PLXND1: variants seen among roughly 807,000 people sequenced by gnomAD.
The protein encoded by PLXND1 is plexin D1.
PLXND1 carries 54 observed loss-of-function variants against 197.7 expected under a neutral mutation model. The ratio of observed to expected loss-of-function variants is 0.27; its 90% CI spans 0.22 to 0.34. The LOEUF is 0.34. Among genes scored for constraint, PLXND1 ranks in the 10% least tolerant of loss-of-function variants. The probability of loss-of-function intolerance (pLI) is 1.00; values close to 1 mark genes in which losing one functional copy is unlikely to be tolerated. For missense variants in PLXND1, 2,127 were observed against 2,699.2 expected (o/e 0.79, Z 4.70); for synonymous variants, 1,180 against 1,161.2 (o/e 1.02, Z -0.33).
At chr3:129,566,696 C>A in intron 22 of PLXND1, 65 bp from the exon 23 acceptor site, 1 of 999,178 alleles carries the variant, frequency 1.0e-6, no homozygotes, top group Admixed American at 2.1e-5. Context: ...GGAAAGGTCA[C>A]TCACACAGAA....
At chr3:129,596,549 C>A (rs904960786) in intron 1 of PLXND1, among the ~76,000 whole-genome samples, 1 of 152,112 alleles carries the variant, frequency 6.6e-6, no homozygotes, top group African/African-American at 2.4e-5. Context: ...AGGCTTCCCT[C>A]CCCCCAGCAG....
At chr3:129,586,485 G>A (rs2085462876) in intron 3 of PLXND1, 103 bp downstream of exon 3, 6 of 1,367,706 alleles carry the variant, frequency 4.4e-6, no homozygotes, top group Non-Finnish European at 6.1e-6. Flanking sequence ...GGGAGATGGA[G>A]GAGGAGGGTG....
chr3:129,568,755 C>T (rs531393002), intron 20 of PLXND1, among the ~76,000 whole-genome samples: 3 of 152,280 alleles, frequency 2.0e-5, no homozygotes, highest in Admixed American at 2.0e-4. Flanking sequence ...TGCCATGTTG[C>T]CCAAGCTGGT....
intron 4 of PLXND1, 27 bp from the exon 5 acceptor site, chr3:129,586,108 C>G: frequency 6.2e-7 from 1 of 1,613,404 alleles, no homozygotes; most frequent in Non-Finnish European, 8.5e-7. Context: ...GGGTCAGGAC[C>G]CAGGTCAGCT....
At chr3:129,563,313 T>A in intron 25 of PLXND1, 73 bp from the exon 26 acceptor site, 1 of 1,293,220 alleles carries the variant, frequency 7.7e-7, no homozygotes, top group Non-Finnish European at 1.1e-6. Flanking sequence ...CCAAACACCT[T>A]CACGCCCCCG....
At chr3:129,593,433 G>A (rs191190637) in intron 1 of PLXND1, among the ~76,000 whole-genome samples, 6 of 152,288 alleles carry the variant, frequency 3.9e-5, no homozygotes, top group East Asian at 3.9e-4. Flanking sequence ...CAGCGCCCCC[G>A]GTGTCTGGAC....
intron 1 of PLXND1, among the ~76,000 whole-genome samples, chr3:129,591,840 CAGCTGCCAAATG>C (rs1170922741): frequency 6.6e-6 from 1 of 152,174 alleles, no homozygotes; most frequent in Non-Finnish European, 1.5e-5. Flanking sequence ...TCTGCTAACA[CAGCTGCCAAATG>C]AGCCCTTTAA....
intron 1 of PLXND1, among the ~76,000 whole-genome samples, chr3:129,604,543 A>T (rs1358856919): frequency 1.3e-5 from 2 of 152,212 alleles, no homozygotes; most frequent in African/African-American, 4.8e-5. Flanking sequence ...TGATGCCCCT[A>T]GCTGGCACTC....
intron 8 of PLXND1, among the ~76,000 whole-genome samples, chr3:129,583,298 A>G (rs2085410810): frequency 6.6e-6 from 1 of 152,202 alleles, no homozygotes; most frequent in Non-Finnish European, 1.5e-5. Flanking sequence ...CCAGCCCAAC[A>G]GGTCATTTCT....
rs567493045 is a variant in PLXND1 at position 129,558,004 on chromosome 3, T to G, written c.5445+424A>C. ...GAATCTCAGAGCTCCTAGCCACCCA[T>G]CACCCCTCTGCCCACCCCTTCACTG... On this transcript the variant is annotated intron_variant, in intron 33 of 35. Transcript: ENST00000324093. The surrounding 1 kb of genome is among the most constrained non-coding windows in gnomAD (Gnocchi z 4.1). Among the ~76,000 whole-genome samples the G allele has an allele frequency of 1.3e-5, 2 of 152,302 alleles. No homozygotes were observed. The highest frequency in any genetic ancestry group is 1.3e-4 in the Admixed American group (2 of 15,286).
At chr3:129,595,114 C>T (rs1170981738) in intron 1 of PLXND1, among the ~76,000 whole-genome samples, 2 of 147,078 alleles carry the variant, frequency 1.4e-5, no homozygotes, top group Admixed American at 6.6e-5. Context: ...CCATGTGGCA[C>T]GGGCTCAGTG....
In PLXND1 at chr3:129,605,707, C is replaced by T. The variant is rs1212390131; in HGVS notation, c.933G>A (p.Glu311=). 3 of 1,540,248 alleles carry T rather than the reference C, an allele frequency of 1.9e-6. No homozygotes were observed. Among genetic ancestry groups the T allele is most frequent in the Non-Finnish European group, 2.6e-6 (3 of 1,144,914 alleles). ...GCGCCAGCAGGCTCCGCGCCTGGCT[C>T]TCCTTGTCGCCCGCGCGCGCCTCGC... ...LNSEARAGDK[E]SQARSLLARI... is the part of the protein sequence containing the mutation. Residue 311 remains glutamate, a synonymous_variant, in exon 1 of 36, where the codon GAG becomes GAA. Transcript: ENST00000324093.
chr3:129,582,536 C>T (rs376742738), intron 8 of PLXND1, among the ~76,000 whole-genome samples: 5 of 152,212 alleles, frequency 3.3e-5, no homozygotes, highest in South Asian at 2.1e-4. Context: ...AGCCCTGATA[C>T]GCGCCAGGTC....
In PLXND1 at chr3:129,561,719, G is replaced by A; in HGVS notation, c.4930-10C>T. 1 of 1,600,490 alleles carries A rather than the reference G, an allele frequency of 6.2e-7. No individual in the cohort carries two copies. Among genetic ancestry groups the A allele is most frequent in the South Asian group, 1.1e-5 (1 of 88,820 alleles). ...AGGCACCTTCAGGGATCTGATGGGA[G>A]GGGAGAGGCCGAGGTCAGAGGCCGG... On this transcript the variant is annotated splice_polypyrimidine_tract_variant and intron_variant, in intron 28 of 35. Coordinates refer to ENST00000324093, the MANE Select transcript of PLXND1 (RefSeq NM_015103.3).
At chr3:129,575,428 C>T (rs1464051368) in intron 11 of PLXND1, 41 bp downstream of exon 11, 8 of 1,281,600 alleles carry the variant, frequency 6.2e-6, no homozygotes, top group African/African-American at 4.4e-5. Context: ...ACCCACTGCA[C>T]TGAGGCCCCG....
intron 1 of PLXND1, chr3:129,591,559 G>A (rs1331867470): frequency 2.0e-5 from 3 of 152,232 alleles, no homozygotes; most frequent in Non-Finnish European, 4.4e-5. Context: ...AACGGAGCAG[G>A]TTAAAGTGTT....
chr3:129,579,910 A>T (rs1301104485), intron 8 of PLXND1, among the ~76,000 whole-genome samples: 1 of 152,196 alleles, frequency 6.6e-6, no homozygotes, highest in African/African-American at 2.4e-5. Flanking sequence ...CCTCGAGGGG[A>T]TGCCAATGCC....
At chr3:129,563,580 C>G (rs538772169) in intron 25 of PLXND1, among the ~76,000 whole-genome samples, 5 of 152,270 alleles carry the variant, frequency 3.3e-5, no homozygotes, top group Non-Finnish European at 7.3e-5. Flanking sequence ...GGAATCGGAC[C>G]TGGCTCGGCT....
rs755104737 is a variant in PLXND1 at position 129,572,862 on chromosome 3, G to A, written c.2917C>T (p.Arg973Trp). The A allele has an allele frequency of 1.4e-5, 22 of 1,613,718 alleles. No homozygotes were observed. The highest frequency in any genetic ancestry group is 8.9e-5 in the East Asian group (4 of 44,898). Residue 973 changes from arginine to tryptophan, a missense_variant, in exon 14 of 36, where the codon CGG (arginine) becomes TGG (tryptophan). By Grantham distance (101) the Arg-to-Trp change is moderately radical. This residue lies in a region of PLXND1 where 1,095 missense variants were observed against 1,259.8 expected (regional missense o/e 0.87). Transcript: ENST00000324093. ...CTTACCACGTAGGAGAAGCGGTCCCGGGACTTGCCCTCCTTAGAGGCGTTC... is the reference window on the plus strand; with the variant it reads ...CTTACCACGTAGGAGAAGCGGTCCCAGGACTTGCCCTCCTTAGAGGCGTTC... The part of the protein sequence containing the change: ...TVNASKEGKS[R>W]DRFSYVLPLV...
Sources: gnomAD v4.1 joint callset for allele counts (sites outside exome capture counted in the v4.1 genomes callset) on GRCh38, gnomAD v4.1.1 for gene constraint, gnomAD v4.1.1 regional missense constraint, Gnocchi (gnomAD v3.1) non-coding constraint, MANE v1.5 for transcripts, NCBI Gene and HGNC (gene_info 2026-07-23, HGNC 2026-07-21) for gene names.